CLK1: variants seen among roughly 807,000 people sequenced by gnomAD.
The protein encoded by CLK1 is dual specificity protein kinase CLK1.
Under a neutral mutation model 60.9 loss-of-function variants are expected in CLK1, and 40 were observed. The ratio of observed to expected loss-of-function variants is 0.66; its 90% CI spans 0.51 to 0.86. The LOEUF (loss-of-function observed/expected upper bound fraction) is 0.86. Ranked by LOEUF, CLK1 falls within the 40% of genes least tolerant of loss-of-function variation. The pLI, the probability that CLK1 is intolerant of heterozygous loss-of-function variation, is 0.00. For synonymous variants in CLK1, 203 were observed against 184.4 expected, an observed-to-expected ratio of 1.10 and a Z score of -0.82; for missense variants, 563 against 606.1, an observed-to-expected ratio of 0.93 and a Z score of 0.75.
Position 200,857,484 on chromosome 2 carries a change from C to G in CLK1, c.832+234G>C, listed in dbSNP as rs1575077771. 8.0e-6 allele frequency: 3 copies of G among 374,588 alleles called. No homozygotes were observed. In the South Asian group the frequency reaches 1.8e-4, roughly 22 times the overall value. The allele number at this position is 374,588 out of a possible 1,614,324, so 23.2% of individuals were successfully genotyped here. On this transcript the variant is annotated intron_variant, in intron 7 of 12. Coordinates refer to ENST00000321356, the MANE Select transcript of CLK1 (RefSeq NM_004071.4). ...ATTCGAAGTTACTATTTTTGCGCAT[C>G]AGAAAAGTCTAAATCATAGTCTGCA...
chr2:200,856,627 ATTT>A, intron 9 of CLK1, 52 bp downstream of exon 9: 1 of 1,493,124 alleles, frequency 6.7e-7, no homozygotes, highest in Non-Finnish European at 9.0e-7. Flanking sequence ...TGCTAAAAAA[ATTT>A]TAAGTCTCAA....
At chr2:200,853,480 C>T (rs1050439401) in intron 12 of CLK1, 31 bp from the exon 13 acceptor site, 9 of 1,587,404 alleles carry the variant, frequency 5.7e-6, no homozygotes, top group Non-Finnish European at 7.7e-6. Flanking sequence ...CATTCAACAG[C>T]CTTTTCCACT....
rs2039101061 is a variant in CLK1 at position 200,859,572 on chromosome 2, AG to A, written c.548+107del. ...GAAGTGTCTTACATCCAAGTAAAAA[AG>A]GGTATAAAGATATGTATCTAACTCA... On this transcript the variant is annotated intron_variant, in intron 5 of 12. Transcript: ENST00000321356. 1.8e-5 allele frequency: 13 copies of A among 738,720 alleles called. No individual in the cohort carries two copies. In the South Asian group the frequency reaches 2.6e-4, roughly 15 times the overall value. The allele number at this position is 738,720 out of a possible 1,614,324, so 45.8% of individuals were successfully genotyped here.
chr2:200,864,441 G>C, intron 1 of CLK1, 123 bp downstream of exon 1: 1 of 575,104 alleles, frequency 1.7e-6, no homozygotes. Flanking sequence ...AGTGAAGGGA[G>C]CAGGCAGTCG....
intron 11 of CLK1, among the ~76,000 whole-genome samples, chr2:200,854,407 G>A (rs2039005354): frequency 6.6e-6 from 1 of 151,796 alleles, no homozygotes; most frequent in Non-Finnish European, 1.5e-5. Flanking sequence ...GTGGTGGCGA[G>A]TGCCTGTAGT....
intron 5 of CLK1, among the ~76,000 whole-genome samples, chr2:200,858,842 T>TA (rs10652214): frequency 6.1e-5 from 9 of 147,278 alleles, no homozygotes; most frequent in East Asian, 2.0e-4. Flanking sequence ...AACAGGGAAC[T>TA]AAAAAAAAAG....
chr2:200,862,903 AAAC>A (rs1285837607), intron 1 of CLK1, among the ~76,000 whole-genome samples: 7 of 152,188 alleles, frequency 4.6e-5, no homozygotes, highest in African/African-American at 9.7e-5. Context: ...CAGAATATAA[AAAC>A]AACAAAACAC....
rs763969874 is a variant in CLK1, at chr2:200,860,192, G to A, written c.414C>T (p.Thr138=). ...SHGKSHRRKR[T]RSVEDDEEGH... is the part of the protein sequence containing the mutation. ...CCTCCTCATCATCCTCTACACTCCT[G>A]GTTCTTTTCCTTCGGTGACTCTTCT... The change falls in exon 4 of 13, where the codon ACC becomes ACT. Residue 138 remains threonine (T), a synonymous_variant. Transcript: ENST00000321356. 6.2e-7 allele frequency: 1 copy of A among 1,613,980 alleles called. No homozygotes were observed. The highest frequency in any genetic ancestry group is 2.2e-5 in the East Asian group (1 of 44,878).
At chr2:200,854,144 T>C in intron 11 of CLK1, 151 bp from the exon 12 acceptor site, 1 of 531,844 alleles carries the variant, frequency 1.9e-6, no homozygotes, top group Non-Finnish European at 3.3e-6. Flanking sequence ...TGCACCAAGG[T>C]AATCTACTAT....
intron 5 of CLK1, among the ~76,000 whole-genome samples, chr2:200,858,840 A>G (rs2039087231): frequency 1.2e-5 from 1 of 84,902 alleles, no homozygotes; most frequent in African/African-American, 5.4e-5. Context: ...CAAACAGGGA[A>G]CTAAAAAAAA....
rs180948646 is a variant in CLK1, at chr2:200,863,812, C to T, written c.-1+752G>A. On this transcript the variant is annotated intron_variant, in intron 1 of 12. Transcript: ENST00000321356. Reference sequence around the variant, plus strand: ...GAGGCTGCAGTGACTCGAGATCGCGCCACTACACTCTAGCCTGGGCGACAG... The same window carrying T: ...GAGGCTGCAGTGACTCGAGATCGCGTCACTACACTCTAGCCTGGGCGACAG... Among the ~76,000 whole-genome samples, 439 of 152,218 alleles carry T rather than the reference C, an allele frequency of 2.9e-3. 3 individuals carry two copies. The highest frequency in any genetic ancestry group is 0.01 in the African/African-American group (429 of 41,540).
At chr2:200,857,615 CTTTATT>C (rs1480129403) in intron 7 of CLK1, 97 bp downstream of exon 7, 2 of 974,620 alleles carry the variant, frequency 2.1e-6, no homozygotes, top group Non-Finnish European at 3.0e-6. Context: ...CTTCCTCCCC[CTTTATT>C]TTTAATCAAA....
chr2:200,860,075 A>G, intron 4 of CLK1, 50 bp downstream of exon 4: 1 of 1,599,610 alleles, frequency 6.3e-7, no homozygotes, highest in Non-Finnish European at 8.6e-7. Flanking sequence ...TAATCTATAT[A>G]TAGATTATGT....
chr2:200,854,009 T>C lies in CLK1; in HGVS notation c.1221-16A>G. The stretch of plus-strand genomic sequence containing the variant: ...TTTACGTTTCCTAAAAATAAGTCAA[T>C]ATCCATTCATGTTTATAACACTGAA... On this transcript the variant is annotated splice_polypyrimidine_tract_variant and intron_variant, in intron 11 of 12. Transcript: ENST00000321356. The C allele has an allele frequency of 1.3e-6, 2 of 1,567,820 alleles. No individual in the cohort carries two copies. Among genetic ancestry groups the C allele is most frequent in the Non-Finnish European group, 1.8e-6 (2 of 1,140,722 alleles).
At chr2:200,857,479 C>A (rs898762239) in intron 7 of CLK1, 3 of 357,470 alleles carry the variant, frequency 8.4e-6, no homozygotes, top group South Asian at 6.4e-5. Flanking sequence ...ACTATTTTTG[C>A]GCATCAGAAA....
chr2:200,863,546 G>A (rs1559329558), intron 1 of CLK1, among the ~76,000 whole-genome samples: 2 of 151,126 alleles, frequency 1.3e-5, no homozygotes, highest in South Asian at 2.1e-4. Context: ...CGACAGGGGC[G>A]AGACCTTGTC....
intron 10 of CLK1, 29 bp from the exon 11 acceptor site, chr2:200,854,724 G>A: frequency 6.8e-7 from 1 of 1,476,180 alleles, no homozygotes; most frequent in Admixed American, 1.7e-5. Context: ...CAGACTTGGG[G>A]AAGATGACCA....
intron 7 of CLK1, 28 bp downstream of exon 7, chr2:200,857,690 A>C: frequency 6.5e-7 from 1 of 1,545,258 alleles, no homozygotes; most frequent in Non-Finnish European, 8.7e-7. Context: ...AAAACCAGCA[A>C]ATTAACGAAG....
chr2:200,856,533 T>TG (rs1220717935), intron 9 of CLK1, 149 bp downstream of exon 9: 12 of 590,016 alleles, frequency 2.0e-5, no homozygotes, highest in Non-Finnish European at 3.2e-5. Flanking sequence ...CTGGTACAAT[T>TG]GAGAGCTTAA....
Sources: gnomAD v4.1 joint callset for allele counts (sites outside exome capture counted in the v4.1 genomes callset) on GRCh38, gnomAD v4.1.1 for gene constraint, MANE v1.5 for transcripts, NCBI Gene and HGNC (gene_info 2026-07-23, HGNC 2026-07-21) for gene names.